PTPRG: variants seen among roughly 807,000 people sequenced by gnomAD.
PTPRG encodes the protein receptor-type tyrosine-protein phosphatase gamma.
A neutral mutation model predicts 165.3 loss-of-function variants in PTPRG; 102 were observed. The observed-to-expected ratio is 0.62, with a 90% CI of 0.53 to 0.73. The LOEUF is 0.73. Ranked by LOEUF, PTPRG falls within the 30% of genes least tolerant of loss-of-function variation. PTPRG has a pLI of 0.00. For synonymous variants in PTPRG, 675 were observed against 669.5 expected (o/e 1.01, Z -0.13); for missense variants, 1,866 against 1,861.4 (o/e 1.00, Z -0.05).
intron 4 of PTPRG, among the ~76,000 whole-genome samples, chr3:62,056,608 A>C (rs1310247778): frequency 6.6e-6 from 1 of 152,170 alleles, no homozygotes; most frequent in East Asian, 1.9e-4. Flanking sequence ...AGGATGTAAA[A>C]TAGTATTCTT....
At chr3:62,182,496 C>T (rs1285603795) in intron 8 of PTPRG, among the ~76,000 whole-genome samples, 1 of 152,204 alleles carries the variant, frequency 6.6e-6, no homozygotes, top group East Asian at 1.9e-4. Context: ...ACACTCAAAA[C>T]CTCTGTTTTA....
intron 1 of PTPRG, among the ~76,000 whole-genome samples, chr3:61,599,989 T>C (rs1455805881): frequency 2.0e-5 from 3 of 151,424 alleles, no homozygotes; most frequent in Non-Finnish European, 2.9e-5. Context: ...CAAAACCCCA[T>C]CTCTACCAAA....
At chr3:62,119,135 G>C (rs937762499) in intron 5 of PTPRG, among the ~76,000 whole-genome samples, 2 of 152,220 alleles carry the variant, frequency 1.3e-5, no homozygotes, top group African/African-American at 4.8e-5. Context: ...TTACAATGAA[G>C]GGTAGGAAGT....
At chr3:62,116,999 A>C (rs190184486) in intron 5 of PTPRG, among the ~76,000 whole-genome samples, 4 of 152,332 alleles carry the variant, frequency 2.6e-5, no homozygotes, top group East Asian at 1.9e-4. Context: ...ATATGTCACC[A>C]TATCTATACA....
intron 26 of PTPRG, among the ~76,000 whole-genome samples, chr3:62,278,192 TGA>T (rs1702298884): frequency 6.6e-6 from 1 of 152,102 alleles, no homozygotes; most frequent in Admixed American, 6.6e-5. Flanking sequence ...GATTTTAACC[TGA>T]GTCATCTGTC....
intron 5 of PTPRG, among the ~76,000 whole-genome samples, chr3:62,105,079 T>C (rs541307500): frequency 6.6e-6 from 1 of 152,172 alleles, no homozygotes; most frequent in Non-Finnish European, 1.5e-5. Flanking sequence ...TTAAAAGAAC[T>C]GTGGTCATTT....
intron 5 of PTPRG, among the ~76,000 whole-genome samples, chr3:62,089,794 C>G (rs1701870500): frequency 6.6e-6 from 1 of 152,114 alleles, no homozygotes; most frequent in Non-Finnish European, 1.5e-5. Flanking sequence ...TCCTAGGTAG[C>G]TGTATAAAAA....
chr3:61,878,679 T>A (rs575370307), intron 2 of PTPRG, among the ~76,000 whole-genome samples: 1 of 152,146 alleles, frequency 6.6e-6, no homozygotes, highest in African/African-American at 2.4e-5. Context: ...TATTTTTTTA[T>A]CTTTAGTAGA....
chr3:61,856,712 T>C (rs547375380), intron 2 of PTPRG, among the ~76,000 whole-genome samples: 1 of 152,314 alleles, frequency 6.6e-6, no homozygotes, highest in African/African-American at 2.4e-5. Context: ...TCTAACTTAT[T>C]CACTCTGTAG....
chr3:61,708,703 C>T (rs1001200198), intron 1 of PTPRG, among the ~76,000 whole-genome samples: 3 of 151,998 alleles, frequency 2.0e-5, no homozygotes, highest in East Asian at 3.9e-4. Flanking sequence ...ATGATCCGCC[C>T]GCCTCGGCCT....
chr3:61,936,715 C>A (rs1323305958), intron 2 of PTPRG, among the ~76,000 whole-genome samples: 3 of 152,230 alleles, frequency 2.0e-5, no homozygotes, highest in African/African-American at 4.8e-5. Flanking sequence ...ACTGTGAGGG[C>A]TTTAGGTTAT....
chr3:61,613,978 A>T (rs919669856), intron 1 of PTPRG, among the ~76,000 whole-genome samples: 1 of 152,178 alleles, frequency 6.6e-6, no homozygotes, highest in Non-Finnish European at 1.5e-5. Context: ...GTGCTCTCTA[A>T]ATTTACTGCT....
chr3:61,963,468 A>G (rs1342864331), intron 2 of PTPRG, among the ~76,000 whole-genome samples: 1 of 152,226 alleles, frequency 6.6e-6, no homozygotes, highest in Non-Finnish European at 1.5e-5. Context: ...TAGTGAATTC[A>G]GTGTAATTTT....
At chr3:61,779,877 G>A (rs374765111) in intron 2 of PTPRG, among the ~76,000 whole-genome samples, 102 of 152,302 alleles carry the variant, frequency 6.7e-4, no homozygotes, top group African/African-American at 2.4e-3. Context: ...CAGAAGGGCT[G>A]GGGGAATCCA....
chr3:62,281,537 G>GGTTTTTTTTTTTTTTTTTTTTTTTTTT (rs778994257), intron 26 of PTPRG, 26 bp from the exon 27 acceptor site: 4 of 175,038 alleles, frequency 2.3e-5, no homozygotes, highest in Non-Finnish European at 3.3e-5. Flanking sequence ...AACTGCAGAG[G>GGTTTTTTTTTTTTTTTTTTTTTTTTTT]CTTTTTTTTT....
chr3:61,584,034 C>T (rs1423263200), intron 1 of PTPRG, among the ~76,000 whole-genome samples: 2 of 152,134 alleles, frequency 1.3e-5, no homozygotes, highest in East Asian at 1.9e-4. Flanking sequence ...GGTTTCATTT[C>T]TTTGTTTGGT....
intron 14 of PTPRG, among the ~76,000 whole-genome samples, chr3:62,242,720 A>G (rs755475307): frequency 1.2e-4 from 18 of 152,188 alleles, no homozygotes; most frequent in South Asian, 2.1e-4. Context: ...GGTATGCCCA[A>G]TGGAATCATC....
intron 5 of PTPRG, among the ~76,000 whole-genome samples, chr3:62,094,789 G>T (rs1279120411): frequency 6.6e-6 from 1 of 152,198 alleles, no homozygotes; most frequent in Non-Finnish European, 1.5e-5. Flanking sequence ...GGGGAGAGTA[G>T]GGAGGCTGAT....
intron 2 of PTPRG, among the ~76,000 whole-genome samples, chr3:61,884,263 G>T (rs1234622275): frequency 4.6e-5 from 7 of 152,154 alleles, no homozygotes; most frequent in Admixed American, 4.6e-4. Context: ...TAGTGATTTA[G>T]TAATTGGGTT....
Sources: allele counts gnomAD v4.1 joint callset (sites outside exome capture counted in the v4.1 genomes callset), GRCh38; gene constraint gnomAD v4.1.1; transcripts MANE v1.5; gene names NCBI Gene and HGNC (gene_info 2026-07-23, HGNC 2026-07-21).